Variants in ADGRG6 observed in about 807,000 individuals in gnomAD.
The protein encoded by ADGRG6 is adhesion G protein-coupled receptor G6.
Under a neutral mutation model 142.4 loss-of-function variants are expected in ADGRG6, and 84 were observed. That is an observed-to-expected ratio of 0.59 (90% CI 0.49 to 0.71). ADGRG6 has a LOEUF of 0.71. ADGRG6 is among the 30% of genes least tolerant of loss of function. The pLI is 0.00. For synonymous variants in ADGRG6, 521 were observed against 520.5 expected, an observed-to-expected ratio of 1.00 and a Z score of -0.01; for missense variants, 1,367 against 1,466.6, an observed-to-expected ratio of 0.93 and a Z score of 1.11.
intron 22 of ADGRG6, among the ~76,000 whole-genome samples, chr6:142,425,348 A>C (rs1183811593): frequency 6.6e-6 from 1 of 152,160 alleles, no homozygotes; most frequent in Non-Finnish European, 1.5e-5. Flanking sequence ...AGAGAGCTAG[A>C]GAGATGTGCA....
intron 22 of ADGRG6, among the ~76,000 whole-genome samples, chr6:142,424,609 C>G: frequency 6.6e-6 from 1 of 150,722 alleles, no homozygotes; most frequent in African/African-American, 2.4e-5. Context: ...CAATGTTCAT[C>G]AAGGATATTG....
intron 16 of ADGRG6, among the ~76,000 whole-genome samples, chr6:142,408,861 T>C (rs1247189253): frequency 6.6e-6 from 1 of 152,052 alleles, no homozygotes; most frequent in African/African-American, 2.4e-5. Flanking sequence ...ATTTATTAGA[T>C]AGGCAGGAAG....
At chr6:142,343,169 G>T (rs2114732550) in intron 2 of ADGRG6, among the ~76,000 whole-genome samples, 1 of 151,544 alleles carries the variant, frequency 6.6e-6, no homozygotes, top group East Asian at 1.9e-4. Flanking sequence ...TGCTTTTCCT[G>T]TTTTTTTGTT....
chr6:142,399,523 G>A (rs1775390752), intron 10 of ADGRG6, among the ~76,000 whole-genome samples: 1 of 152,070 alleles, frequency 6.6e-6, no homozygotes, highest in African/African-American at 2.4e-5. Context: ...GAGAACCCTA[G>A]GAGGACCAGC....
intron 2 of ADGRG6, among the ~76,000 whole-genome samples, chr6:142,312,572 A>G (rs971755403): frequency 2.6e-5 from 4 of 152,110 alleles, no homozygotes; most frequent in African/African-American, 9.7e-5. Context: ...AAAAGTTGAC[A>G]ACATCCAATA....
rs750170467 is a variant in ADGRG6 at position 142,419,959 on chromosome 6, C to A, written c.3174C>A (p.Thr1058=). ...CGRNGKRSNR[T]LREEVLRNLR... The stretch of plus-strand genomic sequence containing the variant: ...GGAATGGCAAGAGAAGCAACCGGAC[C>A]CTGAGAGAAGAAGTGTTAAGGAACC... The change falls in exon 22 of 25, where the codon ACC becomes ACA. Residue 1058 remains threonine, a synonymous_variant. Coordinates refer to ENST00000367609, the MANE Select transcript of ADGRG6 (RefSeq NM_198569.3). 1.9e-6 allele frequency: 3 copies of A among 1,613,442 alleles called. No homozygotes were observed. Among genetic ancestry groups the A allele is most frequent in the Non-Finnish European group, 2.5e-6 (3 of 1,179,602 alleles).
chr6:142,404,645 A>G (rs892408504), intron 14 of ADGRG6, among the ~76,000 whole-genome samples: 10 of 152,042 alleles, frequency 6.6e-5, no homozygotes, highest in African/African-American at 2.4e-4. Flanking sequence ...CTCTGTCTCA[A>G]TAGAAAAAAG....
intron 2 of ADGRG6, among the ~76,000 whole-genome samples, chr6:142,331,150 C>A (rs76061505): frequency 6.7e-6 from 1 of 149,376 alleles, no homozygotes; most frequent in South Asian, 2.1e-4. Context: ...AAAAAAAAAA[C>A]TATCAAACTA....
chr6:142,400,371 A>G (rs1005090613), intron 10 of ADGRG6, 114 bp from the exon 11 acceptor site: 2 of 606,924 alleles, frequency 3.3e-6, no homozygotes, highest in Non-Finnish European at 6.0e-6. Flanking sequence ...TTGGTATTAC[A>G]TTAAAGAAAT....
intron 22 of ADGRG6, among the ~76,000 whole-genome samples, chr6:142,431,327 A>G (rs2115163461): frequency 6.6e-6 from 1 of 152,274 alleles, no homozygotes; most frequent in South Asian, 2.1e-4. Context: ...TGGATTCTCC[A>G]GAGTGGTAGT....
In ADGRG6 at chr6:142,392,965, A is replaced by C. The variant is rs775771714; in HGVS notation, c.1326A>C (p.Gln442His). ...KVAEWLNSTFQNWNYTVYVVN... is the reference protein window; with the variant it reads ...KVAEWLNSTFHNWNYTVYVVN... ...TTTTCCAGCTCAATTCAACCTTCCA[A>C]AATTGGAACTACACGGTTTATGTCG... is the stretch of plus-strand genomic sequence containing the variant. The change falls in exon 8 of 25, where the codon CAA (glutamine) becomes CAC (histidine). Residue 442 changes from glutamine to histidine, a missense_variant. This residue lies in a region of ADGRG6 where 737 missense variants were observed against 746.5 expected (regional missense o/e 0.99). Transcript: ENST00000367609. The C allele has an allele frequency of 1.1e-5, 18 of 1,599,480 alleles. No individual in the cohort carries two copies. The African/African-American group carries it at 2.3e-4, about 20-fold the overall frequency.
intron 2 of ADGRG6, among the ~76,000 whole-genome samples, chr6:142,330,490 A>G (rs79870497): frequency 0.022 from 3,361 of 152,310 alleles, 111 homozygotes; most frequent in African/African-American, 0.075. Flanking sequence ...TGAAAACCAT[A>G]TTAAGGAAAG....
rs1451695002 is a variant in ADGRG6 at position 142,302,008 on chromosome 6, C to G, written c.-322C>G. 5 of 405,836 alleles carry G rather than the reference C, an allele frequency of 1.2e-5. No individual in the cohort carries two copies. Among genetic ancestry groups the G allele is most frequent in the African/African-American group, 4.1e-5 (2 of 48,470 alleles). The allele number at this position is 405,836 out of a possible 1,614,324, so 25.1% of individuals were successfully genotyped here. On this transcript the variant is annotated 5_prime_UTR_variant, in exon 1 of 25. Transcript: ENST00000367609. The stretch of plus-strand genomic sequence containing the variant: ...CTGCGACGCGCACCCCTGCCTGGCC[C>G]GGTCTCCTCAGCACCAGCCCCACGC...
intron 24 of ADGRG6, among the ~76,000 whole-genome samples, chr6:142,441,632 GA>G (rs1777759950): frequency 6.6e-6 from 1 of 152,158 alleles, no homozygotes; most frequent in Non-Finnish European, 1.5e-5. Context: ...CATGCCACTG[GA>G]AGTTACAAAG....
Position 142,359,200 on chromosome 6 carries a change from C to CTA in ADGRG6, c.104-8366_104-8365dup, listed in dbSNP as rs1426587374. ...CCAGCCTGGGAGACAGAGCAAGACC[C>CTA]TATAAAAAAAAAAAAAAAAAAAAAA... On this transcript the variant is annotated intron_variant, in intron 2 of 24. Transcript: ENST00000367609. 1.6e-4 allele frequency among the ~76,000 whole-genome samples: 21 copies of CTA among 130,642 alleles called. 1 individual carries two copies. Among genetic ancestry groups the CTA allele is most frequent in the African/African-American group, 5.7e-4 (18 of 31,640 alleles). The allele number at this position is 130,642 out of a possible 152,430, so 85.7% of individuals were successfully genotyped here.
intron 23 of ADGRG6, chr6:142,437,929 C>A: frequency 4.1e-6 from 1 of 245,272 alleles, no homozygotes; most frequent in Non-Finnish European, 7.5e-6. Flanking sequence ...CCTACTTTGT[C>A]TTTTTTCTTT....
chr6:142,359,200 C>G (rs1233727511), intron 2 of ADGRG6, among the ~76,000 whole-genome samples: 1 of 130,592 alleles, frequency 7.7e-6, no homozygotes, highest in Non-Finnish European at 1.6e-5. Context: ...GAGCAAGACC[C>G]TATAAAAAAA....
intron 2 of ADGRG6, among the ~76,000 whole-genome samples, chr6:142,343,342 A>C (rs887987847): frequency 7.2e-5 from 11 of 151,832 alleles, no homozygotes; most frequent in Admixed American, 7.2e-4. Context: ...AAGCAAATAA[A>C]TAGTAAATTC....
At chr6:142,342,389 T>C (rs1779698958) in intron 2 of ADGRG6, among the ~76,000 whole-genome samples, 1 of 152,088 alleles carries the variant, frequency 6.6e-6, no homozygotes, top group African/African-American at 2.4e-5. Context: ...AATTGTAATA[T>C]CCTGAAGAAT....
Sources: gnomAD v4.1 joint callset for allele counts (sites outside exome capture counted in the v4.1 genomes callset) on GRCh38, gnomAD v4.1.1 for gene constraint, gnomAD v4.1.1 regional missense constraint, MANE v1.5 for transcripts, NCBI Gene and HGNC (gene_info 2026-07-23, HGNC 2026-07-21) for gene names.